Variants in PARP8 observed in about 807,000 individuals in gnomAD.
The protein encoded by PARP8 is protein mono-ADP-ribosyltransferase PARP8.
In PARP8, 51 loss-of-function variants were observed where a neutral mutation model predicts 124.1. The observed-to-expected ratio is 0.41, with a 90% CI of 0.33 to 0.52. The LOEUF (loss-of-function observed/expected upper bound fraction) is 0.52, where lower values mean the gene tolerates loss of function less well. Ranked by LOEUF, PARP8 falls within the 20% of genes least tolerant of loss-of-function variation. The probability of loss-of-function intolerance (pLI) is 0.21; values close to 1 mark genes in which losing one functional copy is unlikely to be tolerated. For synonymous variants in PARP8, 391 were observed against 361.5 expected, an observed-to-expected ratio of 1.08 and a Z score of -0.93; for missense variants, 860 against 1,018.9, an observed-to-expected ratio of 0.84 and a Z score of 2.12.
At chr5:50,796,205 G>C (rs1159644724) in intron 12 of PARP8, among the ~76,000 whole-genome samples, 1 of 152,090 alleles carries the variant, frequency 6.6e-6, no homozygotes, top group African/African-American at 2.4e-5. Flanking sequence ...TGTGTATGTT[G>C]GGGGTGTGTG....
At chr5:50,727,715 T>A (rs1186776007) in intron 2 of PARP8, among the ~76,000 whole-genome samples, 1 of 152,152 alleles carries the variant, frequency 6.6e-6, no homozygotes, top group Non-Finnish European at 1.5e-5. Context: ...AGAATGAGGA[T>A]GGTATATTCA....
chr5:50,683,102 G>C (rs916556714), intron 2 of PARP8, among the ~76,000 whole-genome samples: 1 of 152,216 alleles, frequency 6.6e-6, no homozygotes, highest in South Asian at 2.1e-4. Flanking sequence ...ATCATGAAGC[G>C]AGTGAGATGA....
At position 50,846,462 on chromosome 5, in the gene PARP8, T is replaced by C. The variant is rs1405958131; in HGVS notation, c.*4394T>C. 1 of 151,798 alleles carries C rather than the reference T, an allele frequency of 6.6e-6. No individual in the cohort carries two copies. The allele number at this position is 151,798 out of a possible 1,614,324, so 9.4% of individuals were successfully genotyped here. A position where few individuals can be genotyped will look rare whatever the true frequency, so the allele number is the denominator to read the frequency against. On this transcript the variant is annotated 3_prime_UTR_variant, in exon 26 of 26. Coordinates refer to ENST00000281631, the MANE Select transcript of PARP8 (RefSeq NM_024615.4). ...CTCTTTTATCCAGCTTTGTAATAGT[T>C]CCAACATTGTAGCGAATGTAAATGT... is the stretch of plus-strand genomic sequence containing the variant.
At chr5:50,701,276 A>T (rs1753566864) in intron 2 of PARP8, among the ~76,000 whole-genome samples, 1 of 152,130 alleles carries the variant, frequency 6.6e-6, no homozygotes, top group African/African-American at 2.4e-5. Context: ...GGTAGTGGCT[A>T]TAAGGATATG....
chr5:50,803,236 T>G (rs1743435429), intron 14 of PARP8, among the ~76,000 whole-genome samples: 1 of 152,242 alleles, frequency 6.6e-6, no homozygotes, highest in South Asian at 2.1e-4. Flanking sequence ...GATGAATTGC[T>G]TCTCTCGCTG....
chr5:50,838,477 T>C (rs181124654), intron 25 of PARP8, among the ~76,000 whole-genome samples: 2 of 152,074 alleles, frequency 1.3e-5, no homozygotes, highest in Non-Finnish European at 2.9e-5. Flanking sequence ...TCTTTAATAT[T>C]CAGAAATTGA....
intron 1 of PARP8, chr5:50,667,868 C>A (rs1561217525): frequency 1.4e-6 from 2 of 1,449,156 alleles, no homozygotes; most frequent in African/African-American, 1.4e-5. Context: ...GCACTTGTTG[C>A]GGGGGGCGGC....
At chr5:50,717,707 G>A (rs1032763334) in intron 2 of PARP8, among the ~76,000 whole-genome samples, 1 of 151,962 alleles carries the variant, frequency 6.6e-6, no homozygotes, top group Non-Finnish European at 1.5e-5. Flanking sequence ...GAAACTGAGA[G>A]ATCATGGTGT....
chr5:50,830,639 A>T (rs1746850570), intron 22 of PARP8, among the ~76,000 whole-genome samples: 1 of 152,226 alleles, frequency 6.6e-6, no homozygotes, highest in African/African-American at 2.4e-5. Context: ...ATTCTGGTTT[A>T]AATATAAAAT....
In PARP8 at chr5:50,737,808, T is replaced by G. The variant is rs574294972; in HGVS notation, c.147-12343T>G. On this transcript the variant is annotated intron_variant, in intron 2 of 25. Transcript: ENST00000281631. ...TTTGGTAAGACCATACACACGGCTG[T>G]CTTAGATTTTTGTAACTGAGGCTTT... Among the ~76,000 whole-genome samples, 5 of 152,330 alleles carry G rather than the reference T, an allele frequency of 3.3e-5. No individual in the cohort carries two copies. The East Asian group carries it at 9.6e-4, about 29-fold the overall frequency.
chr5:50,690,073 T>C (rs929230624), intron 2 of PARP8, among the ~76,000 whole-genome samples: 2 of 152,198 alleles, frequency 1.3e-5, no homozygotes, highest in Admixed American at 6.5e-5. Flanking sequence ...CTCTGCAACA[T>C]AGGAAACAAA....
At chr5:50,750,043 A>T in intron 2 of PARP8, 108 bp from the exon 3 acceptor site, 1 of 839,442 alleles carries the variant, frequency 1.2e-6, no homozygotes, top group Non-Finnish European at 1.9e-6. Context: ...GTTTATACTT[A>T]CATCTTTATA....
chr5:50,735,333 G>C (rs1321203554), intron 2 of PARP8, among the ~76,000 whole-genome samples: 1 of 152,034 alleles, frequency 6.6e-6, no homozygotes, highest in Non-Finnish European at 1.5e-5. Flanking sequence ...GCACTTGAAT[G>C]CTCTGCACAT....
chr5:50,743,667 C>A (rs1277978630), intron 2 of PARP8, among the ~76,000 whole-genome samples: 8 of 152,048 alleles, frequency 5.3e-5, no homozygotes, highest in Non-Finnish European at 1.0e-4. Context: ...TGGCTCAAAT[C>A]TGTAATCCCA....
chr5:50,760,429 G>A (rs1298993533), intron 5 of PARP8, 67 bp downstream of exon 5: 1 of 1,182,392 alleles, frequency 8.5e-7, no homozygotes, highest in Non-Finnish European at 1.1e-6. Flanking sequence ...CTGGGTTTTT[G>A]TAGTTAATAG....
chr5:50,730,237 G>A (rs1328096771), intron 2 of PARP8, among the ~76,000 whole-genome samples: 1 of 151,920 alleles, frequency 6.6e-6, no homozygotes, highest in African/African-American at 2.4e-5. Flanking sequence ...TTTTATAAAT[G>A]TCAAACTGTA....
chr5:50,725,546 C>T (rs1443454255), intron 2 of PARP8, among the ~76,000 whole-genome samples: 3 of 152,122 alleles, frequency 2.0e-5, no homozygotes, highest in Non-Finnish European at 4.4e-5. Flanking sequence ...AATGCATGTT[C>T]GGTCAGGGTA....
chr5:50,815,832 T>C (rs1347378189), intron 15 of PARP8, among the ~76,000 whole-genome samples: 2 of 152,164 alleles, frequency 1.3e-5, no homozygotes, highest in African/African-American at 4.8e-5. Flanking sequence ...TTATGTAAAA[T>C]TTATTTGTAA....
chr5:50,754,160 C>T (rs1342223408), intron 3 of PARP8, among the ~76,000 whole-genome samples: 730 of 31,048 alleles, frequency 0.024, 5 homozygotes, highest in South Asian at 0.028. Flanking sequence ...TACACACACA[C>T]ACACACACAC....
Sources: allele counts gnomAD v4.1 joint callset (sites outside exome capture counted in the v4.1 genomes callset), GRCh38; gene constraint gnomAD v4.1.1; transcripts MANE v1.5; gene names NCBI Gene and HGNC (gene_info 2026-07-23, HGNC 2026-07-21).